RBFOX1: variants seen among roughly 807,000 people sequenced by gnomAD.
The protein encoded by RBFOX1 is RNA binding protein fox-1 homolog 1.
A neutral mutation model predicts 57.7 loss-of-function variants in RBFOX1; 8 were observed. That is an observed-to-expected ratio of 0.14 (90% CI 0.08 to 0.25). The LOEUF (loss-of-function observed/expected upper bound fraction) is 0.25. Ranked by LOEUF, RBFOX1 falls within the 10% of genes least tolerant of loss-of-function variation. The probability of loss-of-function intolerance (pLI) is 1.00; values close to 1 mark genes in which losing one functional copy is unlikely to be tolerated. For missense variants in RBFOX1, 611 were observed against 548.5 expected (o/e 1.11, Z -1.14); for synonymous variants, 326 against 222.4 (o/e 1.47, Z -4.15).
At chr16:7,501,222 T>C (rs1006360804) in intron 4 of RBFOX1, among the ~76,000 whole-genome samples, 1 of 152,362 alleles carries the variant, frequency 6.6e-6, no homozygotes, top group African/African-American at 2.4e-5. Flanking sequence ...AAGTGACTAC[T>C]TGTTTCCTCT....
chr16:5,613,731 A>C (rs1453065861), intron 3 of RBFOX1, among the ~76,000 whole-genome samples: 1 of 152,024 alleles, frequency 6.6e-6, no homozygotes, highest in Non-Finnish European at 1.5e-5. Context: ...TTGATGCCTG[A>C]GGGCTTCTTT....
chr16:5,628,992 C>A (rs1034439938), intron 3 of RBFOX1, among the ~76,000 whole-genome samples: 3 of 152,046 alleles, frequency 2.0e-5, no homozygotes, highest in Non-Finnish European at 4.4e-5. Context: ...ACTGTGAGTG[C>A]GATTAAATGT....
chr16:7,002,683 G>T (rs1016027195), intron 3 of RBFOX1, among the ~76,000 whole-genome samples: 2 of 152,206 alleles, frequency 1.3e-5, no homozygotes, highest in Non-Finnish European at 2.9e-5. Flanking sequence ...CTGCACTCCA[G>T]CCTGGTGATA....
At chr16:7,692,302 AG>A (rs1158131899) in intron 14 of RBFOX1, among the ~76,000 whole-genome samples, 18 of 152,204 alleles carry the variant, frequency 1.2e-4, no homozygotes, top group Admixed American at 6.5e-5. Context: ...GTGAAATTCT[AG>A]GGAATATTCA....
chr16:7,286,106 T>C (rs539626591), intron 4 of RBFOX1, among the ~76,000 whole-genome samples: 12 of 152,320 alleles, frequency 7.9e-5, no homozygotes, highest in African/African-American at 2.6e-4. Flanking sequence ...ATAGATGATT[T>C]AAATAAGGAA....
intron 4 of RBFOX1, among the ~76,000 whole-genome samples, chr16:5,954,844 G>A (rs1252332822): frequency 6.6e-6 from 1 of 152,026 alleles, no homozygotes; most frequent in East Asian, 1.9e-4. Context: ...TGGAGGAGGA[G>A]AGCATTCCCA....
At chr16:5,685,432 C>T (rs1207347050) in intron 3 of RBFOX1, among the ~76,000 whole-genome samples, 2 of 152,168 alleles carry the variant, frequency 1.3e-5, no homozygotes, top group Non-Finnish European at 2.9e-5. Context: ...AATCCATCAG[C>T]CTAATAGGAG....
intron 4 of RBFOX1, among the ~76,000 whole-genome samples, chr16:7,401,481 A>G (rs1239511073): frequency 2.0e-5 from 3 of 152,210 alleles, no homozygotes; most frequent in Admixed American, 2.0e-4. Flanking sequence ...AAATATGTTG[A>G]TAGACCCTCA....
At chr16:6,299,033 A>T (rs776138025) in intron 1 of RBFOX1, among the ~76,000 whole-genome samples, 5 of 152,176 alleles carry the variant, frequency 3.3e-5, no homozygotes, top group African/African-American at 4.8e-5. Context: ...CTTGTCTCTG[A>T]TACTTCATCT....
At position 5,789,565 on chromosome 16, in the gene RBFOX1, C is replaced by A. The variant is rs1194368009; in HGVS notation, c.319-77738C>A. Among the ~76,000 whole-genome samples the A allele has an allele frequency of 2.6e-5, 4 of 152,168 alleles. No homozygotes were observed. The South Asian group carries it at 8.3e-4, about 31-fold the overall frequency. ...ATCATCGTCATCATCATCACTAGTA[C>A]TGGCACTAGTATTTTACCAGCTACT... On this transcript the variant is annotated intron_variant, in intron 3 of 19. Transcript: ENST00000641259.
chr16:6,407,337 ATCTC>A (rs1383857428), intron 2 of RBFOX1, among the ~76,000 whole-genome samples: 1 of 152,062 alleles, frequency 6.6e-6, no homozygotes, highest in African/African-American at 2.4e-5. Flanking sequence ...ATCCATTTCT[ATCTC>A]TATATGTCTA....
intron 2 of RBFOX1, among the ~76,000 whole-genome samples, chr16:6,503,557 G>T (rs960049059): frequency 6.6e-6 from 1 of 152,166 alleles, no homozygotes; most frequent in African/African-American, 2.4e-5. Flanking sequence ...ACACATACTT[G>T]GTGATTTGCT....
chr16:6,900,618 A>G (rs1222663755), intron 3 of RBFOX1, among the ~76,000 whole-genome samples: 3 of 152,174 alleles, frequency 2.0e-5, no homozygotes, highest in East Asian at 1.9e-4. Flanking sequence ...GTCACAGCAG[A>G]TGCTATTCCC....
chr16:6,938,548 G>C (rs1210036483), intron 3 of RBFOX1, among the ~76,000 whole-genome samples: 3 of 143,314 alleles, frequency 2.1e-5, no homozygotes, highest in African/African-American at 5.5e-5. Flanking sequence ...AGCATTACCA[G>C]ACACTGAATT....
At chr16:6,527,842 A>G (rs1252133424) in intron 2 of RBFOX1, among the ~76,000 whole-genome samples, 1 of 152,120 alleles carries the variant, frequency 6.6e-6, no homozygotes, top group East Asian at 1.9e-4. Context: ...AGAGGCTCTC[A>G]TAAGGATAAA....
intron 2 of RBFOX1, among the ~76,000 whole-genome samples, chr16:6,600,093 G>C (rs1284171779): frequency 6.6e-6 from 1 of 152,074 alleles, no homozygotes; most frequent in Non-Finnish European, 1.5e-5. Flanking sequence ...AGCATTCATG[G>C]GTTTTTCAAG....
chr16:7,648,816 A>C (rs1378022681), intron 11 of RBFOX1, among the ~76,000 whole-genome samples: 1 of 152,214 alleles, frequency 6.6e-6, no homozygotes, highest in Non-Finnish European at 1.5e-5. Flanking sequence ...GCCATCGAGG[A>C]GAATTTAAAT....
intron 3 of RBFOX1, among the ~76,000 whole-genome samples, chr16:5,705,821 C>T (rs908893768): frequency 5.3e-5 from 8 of 152,204 alleles, no homozygotes; most frequent in African/African-American, 1.7e-4. Context: ...TGCTTATTAT[C>T]ATATCCGTAG....
intron 14 of RBFOX1, among the ~76,000 whole-genome samples, chr16:7,700,301 T>C (rs553006937): frequency 1.7e-4 from 26 of 152,236 alleles, no homozygotes; most frequent in Non-Finnish European, 3.4e-4. Flanking sequence ...ATAACCCTCC[T>C]CTCACCCTCA....
Sources: gnomAD v4.1 joint callset for allele counts (sites outside exome capture counted in the v4.1 genomes callset) on GRCh38, gnomAD v4.1.1 for gene constraint, MANE v1.5 for transcripts, NCBI Gene and HGNC (gene_info 2026-07-23, HGNC 2026-07-21) for gene names.